The following SYT12 variants were observed in gnomAD, a reference collection of about 807,000 sequenced individuals.
The protein encoded by SYT12 is synaptotagmin-12.
SYT12 carries 27 observed loss-of-function variants against 39.5 expected under a neutral mutation model. That is an observed-to-expected ratio of 0.68 (90% CI 0.50 to 0.94). The LOEUF (loss-of-function observed/expected upper bound fraction) is 0.94. Among genes scored for constraint, SYT12 ranks in the 40% least tolerant of loss-of-function variants. The pLI is 0.00. For synonymous variants in SYT12, 233 were observed against 239.7 expected (o/e 0.97, Z 0.26); for missense variants, 536 against 572.6 (o/e 0.94, Z 0.65).
intron 7 of SYT12, among the ~76,000 whole-genome samples, chr11:67,048,285 A>G (rs1028307711): frequency 6.7e-6 from 1 of 149,086 alleles, no homozygotes; most frequent in Non-Finnish European, 1.5e-5. Flanking sequence ...AAAAAAAAAA[A>G]GGATCAGGGG....
At chr11:67,036,061 C>A (rs1002988659) in intron 3 of SYT12, among the ~76,000 whole-genome samples, 8 of 151,518 alleles carry the variant, frequency 5.3e-5, no homozygotes, top group African/African-American at 1.9e-4. Flanking sequence ...ATTACAGGCC[C>A]AAGCCACCAT....
chr11:67,029,468 A>G (rs534426359), intron 1 of SYT12: 1 of 152,312 alleles, frequency 6.6e-6, no homozygotes, highest in East Asian at 1.9e-4. Flanking sequence ...AAAACAGGAC[A>G]CCCAGGAGCA....
intron 1 of SYT12, 54 bp from the exon 2 acceptor site, chr11:67,030,068 A>G: frequency 6.4e-7 from 1 of 1,574,744 alleles, no homozygotes. Context: ...AGGACCTAGG[A>G]GCGGGACGCT....
At chr11:67,042,100 G>A (rs959075784) in intron 4 of SYT12, among the ~76,000 whole-genome samples, 9 of 152,190 alleles carry the variant, frequency 5.9e-5, no homozygotes, top group African/African-American at 2.2e-4. Flanking sequence ...CAGGACCCTG[G>A]AGCCTGACTG....
intron 5 of SYT12, among the ~76,000 whole-genome samples, 184 bp from the exon 6 acceptor site, chr11:67,044,409 G>A (rs369132252): frequency 1.4e-4 from 21 of 152,244 alleles, no homozygotes; most frequent in African/African-American, 5.1e-4. Context: ...GTGGCGGGGG[G>A]TGGGTGGCTG....
intron 3 of SYT12, among the ~76,000 whole-genome samples, chr11:67,011,485 C>T (rs1237252240): frequency 1.3e-5 from 2 of 151,822 alleles, no homozygotes; most frequent in African/African-American, 4.9e-5. Flanking sequence ...TCAGGTGATC[C>T]GCCCGCCTGG....
At chr11:67,033,291 G>A (rs1171211257) in intron 2 of SYT12, among the ~76,000 whole-genome samples, 1 of 152,112 alleles carries the variant, frequency 6.6e-6, no homozygotes, top group African/African-American at 2.4e-5. Flanking sequence ...CTTCCAGGAG[G>A]CCTTCCTGGG....
intron 3 of SYT12, among the ~76,000 whole-genome samples, chr11:67,011,995 C>A (rs1222279613): frequency 6.6e-6 from 1 of 150,768 alleles, no homozygotes; most frequent in East Asian, 2.1e-4. Flanking sequence ...AAACTCCTGA[C>A]CTTGTGATCC....
intron 3 of SYT12, among the ~76,000 whole-genome samples, chr11:67,014,827 G>A (rs1013263078): frequency 6.6e-6 from 1 of 152,140 alleles, no homozygotes; most frequent in Non-Finnish European, 1.5e-5. Flanking sequence ...CTCCAGGGCA[G>A]CAGGGATCCT....
chr11:67,045,935 G>T (rs927222477), intron 7 of SYT12, 58 bp downstream of exon 7: 4 of 1,600,866 alleles, frequency 2.5e-6, no homozygotes, highest in Non-Finnish European at 3.4e-6. Context: ...TGGGGCTGCC[G>T]CATCTCTCCA....
chr11:67,034,853 C>T lies in SYT12; in HGVS notation c.228+15C>T, dbSNP rs1950329298. On this transcript the variant is annotated intron_variant, in intron 3 of 7. Coordinates refer to ENST00000527043, the MANE Select transcript of SYT12 (RefSeq NM_177963.4). ...CCAGGGAGAAGGTGAGGCTTCTGCT[C>T]CTGCAGGTGCACAGCGAGTGCAACC... 2.6e-6 allele frequency: 4 copies of T among 1,514,066 alleles called. No individual in the cohort carries two copies. Among genetic ancestry groups the T allele is most frequent in the African/African-American group, 1.4e-5 (1 of 70,000 alleles). 93.8% of individuals were successfully genotyped at this position (1,514,066 alleles called of 1,614,324 possible).
chr11:67,045,904 G>A (rs751233329), intron 7 of SYT12, 27 bp downstream of exon 7: 2 of 1,612,980 alleles, frequency 1.2e-6, no homozygotes, highest in African/African-American at 2.7e-5. Context: ...GATGGGAAGG[G>A]GCCAGGTCAC....
chr11:67,043,859 T>C lies in SYT12; in HGVS notation c.837+6T>C, dbSNP rs898283450. The stretch of plus-strand genomic sequence containing the variant: ...ATTTACAGGACCAGAACAAGGTAAG[T>C]GACTTGCCTGCTCGTCCACCTCGGA... On this transcript the variant is annotated splice_donor_region_variant and intron_variant, in intron 5 of 7. Coordinates refer to ENST00000527043, the MANE Select transcript of SYT12 (RefSeq NM_177963.4). 4.3e-6 allele frequency: 7 copies of C among 1,613,790 alleles called. No individual in the cohort carries two copies. Among genetic ancestry groups the C allele is most frequent in the Middle Eastern group, 1.7e-4 (1 of 6,054 alleles).
chr11:67,015,270 G>A (rs978908974), intron 3 of SYT12, among the ~76,000 whole-genome samples: 2 of 152,208 alleles, frequency 1.3e-5, no homozygotes, highest in African/African-American at 4.8e-5. Context: ...CAACAGGAGG[G>A]CAGGGCGGCC....
At chr11:67,045,315 G>A (rs1366592991) in intron 6 of SYT12, among the ~76,000 whole-genome samples, 1 of 152,110 alleles carries the variant, frequency 6.6e-6, no homozygotes. Flanking sequence ...CCAGGCAGGT[G>A]CGGCAAGGAC....
At position 67,048,657 on chromosome 11, in the gene SYT12, T is replaced by C; in HGVS notation, c.1166T>C (p.Ile389Thr). Residue 389 changes from isoleucine (I) to threonine (T), a missense_variant, in exon 8 of 8, where the codon ATT becomes ACT. Coordinates refer to ENST00000527043, the MANE Select transcript of SYT12 (RefSeq NM_177963.4). ...GRGDNVGHVI[I>T]GPSASGMGTT... ...GGGGACAACGTGGGCCATGTCATCA[T>C]TGGGCCGTCAGCCAGTGGCATGGGA... The C allele has an allele frequency of 2.5e-6, 4 of 1,612,972 alleles. No individual in the cohort carries two copies. Among genetic ancestry groups the C allele is most frequent in the Non-Finnish European group, 2.5e-6 (3 of 1,179,294 alleles).
chr11:67,017,588 C>G (rs1361806637), intron 3 of SYT12, among the ~76,000 whole-genome samples: 1 of 149,890 alleles, frequency 6.7e-6, no homozygotes, highest in Non-Finnish European at 1.5e-5. Context: ...TCTCGAACTC[C>G]TGACCTTGTG....
chr11:67,021,215 T>C (rs1251621909), upstream of SYT12, among the ~76,000 whole-genome samples: 1 of 152,218 alleles, frequency 6.6e-6, no homozygotes, highest in African/African-American at 2.4e-5. Flanking sequence ...TTTCTGATCA[T>C]TGAAGGGTGT....
At chr11:67,028,264 T>G (rs1219201928) in intron 1 of SYT12, 1 of 152,194 alleles carries the variant, frequency 6.6e-6, no homozygotes, top group African/African-American at 2.4e-5. Flanking sequence ...GGTTCTCTAT[T>G]ACTATCATTA....
Sources: gnomAD v4.1 joint callset for allele counts (sites outside exome capture counted in the v4.1 genomes callset) on GRCh38, gnomAD v4.1.1 for gene constraint, MANE v1.5 for transcripts, NCBI Gene and HGNC (gene_info 2026-07-23, HGNC 2026-07-21) for gene names.